Variants in DOCK9 observed in about 807,000 individuals in gnomAD.
The protein encoded by DOCK9 is dedicator of cytokinesis protein 9.
DOCK9 carries 89 observed loss-of-function variants against 263.3 expected under a neutral mutation model. The ratio of observed to expected loss-of-function variants is 0.34; its 90% CI spans 0.28 to 0.40. DOCK9 has a LOEUF of 0.40. DOCK9 is among the 10% of genes least tolerant of loss of function. The probability of loss-of-function intolerance (pLI) is 1.00; values close to 1 mark genes in which losing one functional copy is unlikely to be tolerated. For synonymous variants in DOCK9, 976 were observed against 973.1 expected (o/e 1.00, Z -0.06); for missense variants, 2,140 against 2,603.4 (o/e 0.82, Z 3.87).
At position 98,825,774 on chromosome 13, in the gene DOCK9, T is replaced by C; in HGVS notation, c.5023+1056A>G. The C allele has an allele frequency of 1.3e-6, 1 of 746,252 alleles. No individual in the cohort carries two copies. Among genetic ancestry groups the C allele is most frequent in the Non-Finnish European group, 2.0e-6 (1 of 499,334 alleles). The allele number at this position is 746,252 out of a possible 1,614,324, so 46.2% of individuals were successfully genotyped here. A position where few individuals can be genotyped will look rare whatever the true frequency, so the allele number is the denominator to read the frequency against. On this transcript the variant is annotated intron_variant, in intron 44 of 52. Coordinates refer to ENST00000682017, the MANE Select transcript of DOCK9 (RefSeq NM_001366683.2). The surrounding 1 kb of genome is among the most constrained non-coding windows in gnomAD (Gnocchi z 4.1). ...AGAGTAGGAGGGAAGGAGAGTGAAG[T>C]CTGTCCATGCAAAGTTAAAAGGGCA...
At chr13:98,848,780 G>C in intron 36 of DOCK9, 141 bp from the exon 37 acceptor site, 1 of 870,888 alleles carries the variant, frequency 1.1e-6, no homozygotes, top group Admixed American at 2.5e-5. Flanking sequence ...ATTCAGAATG[G>C]TTTTTGGGAG....
intron 1 of DOCK9, among the ~76,000 whole-genome samples, chr13:99,045,104 CT>C (rs1318955993): frequency 2.0e-5 from 3 of 152,098 alleles, no homozygotes; most frequent in Non-Finnish European, 4.4e-5. Context: ...ATGGGGGTTC[CT>C]TAAAAGATTA....
At position 98,959,717 on chromosome 13, in the gene DOCK9, C is replaced by T. The variant is rs79276016; in HGVS notation, c.127-4166G>A. Among the ~76,000 whole-genome samples the T allele has an allele frequency of 4.8e-3, 729 of 152,018 alleles. 2 individuals are homozygous for T. Among genetic ancestry groups the T allele is most frequent in the African/African-American group, 0.017 (702 of 41,476 alleles). ...CAGAAGGAGATGCAGGGGAGGAAAA[C>T]GAAAAGAGAGGCAGGGATGGAGCCA... On this transcript the variant is annotated intron_variant, in intron 1 of 52. Transcript: ENST00000682017.
At chr13:98,898,443 C>G (rs2297000) in intron 13 of DOCK9, among the ~76,000 whole-genome samples, 182 bp from the exon 14 acceptor site, 103,929 of 152,090 alleles carry the variant, frequency 0.68, 36,177 homozygotes, top group Middle Eastern at 0.86. Flanking sequence ...CTTTATTTAA[C>G]GCATTCTCTA....
intron 15 of DOCK9, among the ~76,000 whole-genome samples, chr13:98,891,862 C>A (rs544756600): frequency 6.7e-6 from 1 of 149,630 alleles, no homozygotes; most frequent in Non-Finnish European, 1.5e-5. Flanking sequence ...CAATCTCAAA[C>A]CCATTTCAAA....
At chr13:99,086,916 C>G (rs1003959604), upstream of DOCK9, among the ~76,000 whole-genome samples, 5 of 152,016 alleles carry the variant, frequency 3.3e-5, no homozygotes, top group Non-Finnish European at 7.4e-5. Flanking sequence ...GGACTGCGCA[C>G]GCCACCAAGA....
chr13:98,962,125 T>C (rs2058702136), intron 1 of DOCK9, among the ~76,000 whole-genome samples: 1 of 152,176 alleles, frequency 6.6e-6, no homozygotes, highest in Admixed American at 6.5e-5. Context: ...GAAACACTGA[T>C]CTGTTCTTGC....
At chr13:99,021,013 T>A (rs1394577482) in intron 1 of DOCK9, among the ~76,000 whole-genome samples, 1 of 152,230 alleles carries the variant, frequency 6.6e-6, no homozygotes, top group Non-Finnish European at 1.5e-5. Context: ...TATCTGACAG[T>A]CCATATTTCA....
At chr13:98,981,288 C>T (rs1182966595), upstream of DOCK9, among the ~76,000 whole-genome samples, 1 of 152,104 alleles carries the variant, frequency 6.6e-6, no homozygotes, top group African/African-American at 2.4e-5. Context: ...AACTCCTGGG[C>T]TCAAGCGATC....
At chr13:98,887,507 T>C (rs1344993718) in intron 18 of DOCK9, among the ~76,000 whole-genome samples, 2 of 146,980 alleles carry the variant, frequency 1.4e-5, no homozygotes, top group African/African-American at 5.0e-5. Context: ...TCCCAGCTAC[T>C]CGGGAGGCTG....
chr13:99,055,922 A>G (rs1161533122), intron 1 of DOCK9, among the ~76,000 whole-genome samples: 2 of 152,110 alleles, frequency 1.3e-5, no homozygotes, highest in Non-Finnish European at 2.9e-5. Flanking sequence ...TTTTTTCAGA[A>G]ATCAGCCAAG....
At chr13:98,950,391 C>T in intron 2 of DOCK9, 1 of 900,520 alleles carries the variant, frequency 1.1e-6, no homozygotes, top group Non-Finnish European at 1.8e-6. Flanking sequence ...GATAAGCCTT[C>T]CTCTTTTTCA....
intron 1 of DOCK9, among the ~76,000 whole-genome samples, chr13:99,085,768 G>A (rs2042305763): frequency 6.6e-6 from 1 of 151,324 alleles, no homozygotes; most frequent in South Asian, 2.1e-4. Flanking sequence ...CCCACCCTGA[G>A]CGCAGACTGG....
chr13:98,853,645 G>GT (rs1299408445), intron 34 of DOCK9, 123 bp from the exon 35 acceptor site: 3 of 720,646 alleles, frequency 4.2e-6, no homozygotes, highest in Non-Finnish European at 4.8e-6. Context: ...GAAGGTGCAA[G>GT]TAACTTGCTG....
Position 98,793,606 on chromosome 13 carries a change from T to G in DOCK9, c.*1020A>C, listed in dbSNP as rs188383376. ...TTTTCCCAAATATAAAATTACTAAA[T>G]TAAAGTCTTAAAAGAAAATATAACA... is the stretch of plus-strand genomic sequence containing the variant. On this transcript the variant is annotated 3_prime_UTR_variant, in exon 53 of 53. Coordinates refer to ENST00000682017, the MANE Select transcript of DOCK9 (RefSeq NM_001366683.2). 3.1e-3 allele frequency: 468 copies of G among 149,870 alleles called. 5 individuals are homozygous for G. The highest frequency in any genetic ancestry group is 0.01 in the African/African-American group (420 of 41,318). The allele number at this position is 149,870 out of a possible 1,614,324, so 9.3% of individuals were successfully genotyped here. A position where few individuals can be genotyped will look rare whatever the true frequency, so the allele number is the denominator to read the frequency against.
intron 30 of DOCK9, among the ~76,000 whole-genome samples, chr13:98,865,058 T>C (rs375230523): frequency 1.3e-5 from 2 of 152,160 alleles, no homozygotes; most frequent in Non-Finnish European, 2.9e-5. Context: ...ATAAATGTCT[T>C]TTCTTATTTT....
At chr13:98,796,355 C>A (rs2089406280) in intron 52 of DOCK9, 1 of 686,350 alleles carries the variant, frequency 1.5e-6, no homozygotes, top group South Asian at 1.7e-5. Context: ...TCCACTGTGC[C>A]AGACTGAAGG....
intron 9 of DOCK9, among the ~76,000 whole-genome samples, chr13:98,909,483 T>C (rs1174845932): frequency 6.6e-6 from 1 of 152,228 alleles, no homozygotes; most frequent in Non-Finnish European, 1.5e-5. Flanking sequence ...ATGTGTTGAA[T>C]GTTGGGTCAT....
intron 37 of DOCK9, chr13:98,847,377 A>G (rs1201576790): frequency 6.6e-6 from 1 of 152,242 alleles, no homozygotes; most frequent in Admixed American, 6.5e-5. Flanking sequence ...ATATACTTGC[A>G]TTTAGTACTC....
Sources: gnomAD v4.1 joint callset for allele counts (sites outside exome capture counted in the v4.1 genomes callset) on GRCh38, gnomAD v4.1.1 for gene constraint, Gnocchi (gnomAD v3.1) non-coding constraint, MANE v1.5 for transcripts, NCBI Gene and HGNC (gene_info 2026-07-23, HGNC 2026-07-21) for gene names.